Variants in MACROD2 observed in about 807,000 individuals in gnomAD.
MACROD2 encodes ADP-ribose glycohydrolase MACROD2.
A neutral mutation model predicts 70.4 loss-of-function variants in MACROD2; 36 were observed. The observed-to-expected ratio is 0.51, with a 90% CI of 0.39 to 0.68. MACROD2 has a LOEUF of 0.68. Among genes scored for constraint, MACROD2 ranks in the 30% least tolerant of loss-of-function variants. MACROD2 has a pLI of 0.00. For missense variants in MACROD2, 496 were observed against 538.4 expected, an observed-to-expected ratio of 0.92 and a Z score of 0.78; for synonymous variants, 172 against 178.8, an observed-to-expected ratio of 0.96 and a Z score of 0.30.
chr20:14,085,830 A>G (rs1379470413), intron 3 of MACROD2, 102 bp downstream of exon 3: 1 of 610,314 alleles, frequency 1.6e-6, no homozygotes. Context: ...ATGCTTTTTG[A>G]CGTAGAAATG....
chr20:14,157,402 T>C (rs1027973689), intron 3 of MACROD2, among the ~76,000 whole-genome samples: 1 of 152,178 alleles, frequency 6.6e-6, no homozygotes, highest in African/African-American at 2.4e-5. Context: ...GTTGGGAACC[T>C]TTCAAGTCCT....
At chr20:14,999,114 G>C (rs1767112997) in intron 5 of MACROD2, among the ~76,000 whole-genome samples, 1 of 152,222 alleles carries the variant, frequency 6.6e-6, no homozygotes, top group Admixed American at 6.5e-5. Flanking sequence ...ATCAACAGCA[G>C]ACCTGTCCTA....
chr20:14,608,446 C>T (rs1478969551), intron 4 of MACROD2, among the ~76,000 whole-genome samples: 2 of 152,122 alleles, frequency 1.3e-5, no homozygotes, highest in African/African-American at 4.8e-5. Flanking sequence ...TCCAAGTTAG[C>T]CCTACAATGC....
Position 14,976,208 on chromosome 20 carries a change from CAA to C in MACROD2, c.419-253731_419-253730del, listed in dbSNP as rs372364795. Among the ~76,000 whole-genome samples, 1,266 of 152,146 alleles carry C rather than the reference CAA, an allele frequency of 8.3e-3. 24 individuals are homozygous for C. Among genetic ancestry groups the C allele is most frequent in the African/African-American group, 0.029 (1,202 of 41,510 alleles). ...TTACCACAGATTTCATGCTTTAAAA[CAA>C]TGCTAATTTGCCATTCTGGAGGTTA... On this transcript the variant is annotated intron_variant, in intron 5 of 17. Transcript: ENST00000684519.
chr20:14,427,589 C>CA (rs2083948296), intron 3 of MACROD2, among the ~76,000 whole-genome samples: 1 of 151,862 alleles, frequency 6.6e-6, no homozygotes, highest in South Asian at 2.1e-4. Flanking sequence ...TATACATACA[C>CA]AAACATGCAT....
At chr20:14,926,142 C>A (rs1463623133) in intron 5 of MACROD2, among the ~76,000 whole-genome samples, 1 of 152,094 alleles carries the variant, frequency 6.6e-6, no homozygotes, top group Non-Finnish European at 1.5e-5. Flanking sequence ...TTGCCATCTT[C>A]ACACTTTTGC....
intron 5 of MACROD2, among the ~76,000 whole-genome samples, chr20:14,845,883 GAAT>G (rs2073134990): frequency 6.6e-6 from 1 of 152,008 alleles, no homozygotes; most frequent in South Asian, 2.1e-4. Flanking sequence ...CATTTTTTAG[GAAT>G]AATAATAACA....
At position 14,317,616 on chromosome 20, in the gene MACROD2, CAAAAAAAA is replaced by C. The variant is rs57339002; in HGVS notation, c.272-175850_272-175843del. Among the ~76,000 whole-genome samples the C allele has an allele frequency of 5.3e-5, 6 of 112,736 alleles. No homozygotes were observed. In the South Asian group the frequency reaches 1.5e-3, roughly 28 times the overall value. The allele number at this position is 112,736 out of a possible 152,430, so 74.0% of individuals were successfully genotyped here. The stretch of plus-strand genomic sequence containing the variant: ...GCCTGATGATAGAGTGAGACTGTCT[CAAAAAAAA>C]AAAAAAAAAAAATCTGGATTCCTGT... On this transcript the variant is annotated intron_variant, in intron 3 of 17. Coordinates refer to ENST00000684519, the MANE Select transcript of MACROD2 (RefSeq NM_001351661.2).
chr20:15,117,314 A>G (rs1413909903), intron 5 of MACROD2, among the ~76,000 whole-genome samples: 1 of 152,124 alleles, frequency 6.6e-6, no homozygotes, highest in African/African-American at 2.4e-5. Context: ...TATTTTGTCA[A>G]TTTTCCTATT....
At chr20:14,690,567 A>T (rs6110389) in intron 5 of MACROD2, among the ~76,000 whole-genome samples, 59,687 of 152,140 alleles carry the variant, frequency 0.39, 12,465 homozygotes, top group East Asian at 0.57. Context: ...TGACAAGTAA[A>T]GTTTTCTTAC....
intron 2 of MACROD2, among the ~76,000 whole-genome samples, chr20:14,051,477 C>A (rs1010179562): frequency 2.6e-5 from 4 of 152,150 alleles, no homozygotes; most frequent in African/African-American, 9.7e-5. Flanking sequence ...CTTCTCTGAA[C>A]CTTCCCTTTT....
At chr20:16,041,629 C>G (rs1171280971) in intron 16 of MACROD2, among the ~76,000 whole-genome samples, 2 of 151,958 alleles carry the variant, frequency 1.3e-5, no homozygotes, top group African/African-American at 4.8e-5. Context: ...ACTTAGCCTC[C>G]TGTTACCCTG....
At chr20:15,136,699 A>G (rs2076150752) in intron 5 of MACROD2, among the ~76,000 whole-genome samples, 1 of 151,996 alleles carries the variant, frequency 6.6e-6, no homozygotes, top group African/African-American at 2.4e-5. Flanking sequence ...AACAAAAGCC[A>G]AAATTGACAA....
intron 6 of MACROD2, among the ~76,000 whole-genome samples, chr20:15,420,451 G>A (rs1204916574): frequency 6.6e-6 from 1 of 152,192 alleles, no homozygotes; most frequent in Non-Finnish European, 1.5e-5. Flanking sequence ...CCGTTTCTAT[G>A]TGATCTCATG....
At chr20:15,604,579 A>G (rs938476705) in intron 8 of MACROD2, among the ~76,000 whole-genome samples, 5 of 152,216 alleles carry the variant, frequency 3.3e-5, no homozygotes, top group African/African-American at 4.8e-5. Flanking sequence ...ATTGTCATCC[A>G]TCTCCATTAA....
At chr20:15,866,896 T>C (rs1459850432) in intron 9 of MACROD2, among the ~76,000 whole-genome samples, 1 of 152,164 alleles carries the variant, frequency 6.6e-6, no homozygotes, top group Non-Finnish European at 1.5e-5. Context: ...CAAAGGCCTT[T>C]ATAGCATCTA....
At chr20:15,729,115 T>C (rs1281344359) in intron 8 of MACROD2, among the ~76,000 whole-genome samples, 1 of 152,226 alleles carries the variant, frequency 6.6e-6, no homozygotes, top group East Asian at 1.9e-4. Flanking sequence ...AGTTTCTTAA[T>C]TTCTGCCTCA....
intron 4 of MACROD2, among the ~76,000 whole-genome samples, chr20:14,675,697 C>T (rs1479851645): frequency 6.6e-6 from 1 of 152,148 alleles, no homozygotes; most frequent in Non-Finnish European, 1.5e-5. Context: ...CAAATTCACA[C>T]ATAACAATAT....
intron 5 of MACROD2, among the ~76,000 whole-genome samples, chr20:14,971,873 G>A (rs1400071113): frequency 6.6e-6 from 1 of 152,134 alleles, no homozygotes; most frequent in Non-Finnish European, 1.5e-5. Context: ...AAATGGAGCC[G>A]CCATGTTGGA....
Sources: gnomAD v4.1 joint callset for allele counts (sites outside exome capture counted in the v4.1 genomes callset) on GRCh38, gnomAD v4.1.1 for gene constraint, MANE v1.5 for transcripts, NCBI Gene and HGNC (gene_info 2026-07-23, HGNC 2026-07-21) for gene names.